The following C12orf56 variants were observed in gnomAD, a reference collection of about 807,000 sequenced individuals.
C12orf56 encodes the protein chromosome 12 open reading frame 56, also known as uncharacterized protein C12orf56.
Under a neutral mutation model 69.9 loss-of-function variants are expected in C12orf56, and 71 were observed. That is an observed-to-expected ratio of 1.02 (90% confidence interval 0.84 to 1.24). C12orf56 has a LOEUF of 1.24. Ranked by LOEUF, C12orf56 falls within the 50% of genes most tolerant of loss-of-function variation. The probability of loss-of-function intolerance (pLI) is 0.00; values close to 1 mark genes in which losing one functional copy is unlikely to be tolerated. For missense variants in C12orf56, 732 were observed against 738.5 expected (o/e 0.99, Z 0.10); for synonymous variants, 276 against 274.1 (o/e 1.01, Z -0.07).
intron 3 of C12orf56, among the ~76,000 whole-genome samples, chr12:64,323,160 G>A (rs1434775470): frequency 1.3e-5 from 2 of 152,186 alleles, no homozygotes; most frequent in Non-Finnish European, 2.9e-5. Flanking sequence ...GAGAGAAGAT[G>A]CAATTGACAC....
At chr12:64,273,967 C>T (rs937202918) in intron 11 of C12orf56, among the ~76,000 whole-genome samples, 5 of 152,158 alleles carry the variant, frequency 3.3e-5, no homozygotes, top group African/African-American at 9.7e-5. Flanking sequence ...TGTGACACGG[C>T]AGAAGCAAAT....
intron 6 of C12orf56, among the ~76,000 whole-genome samples, chr12:64,298,795 A>C (rs1013702932): frequency 2.0e-4 from 31 of 152,138 alleles, no homozygotes; most frequent in African/African-American, 7.2e-4. Context: ...CTTGTAGTAT[A>C]GTTTGAAGTC....
chr12:64,299,925 C>T (rs114513297), intron 6 of C12orf56, among the ~76,000 whole-genome samples: 148 of 152,164 alleles, frequency 9.7e-4, no homozygotes, highest in African/African-American at 3.4e-3. Flanking sequence ...ATAAAATTAA[C>T]GTTTTACTTT....
At chr12:64,304,358 A>G (rs2038484946) in intron 5 of C12orf56, among the ~76,000 whole-genome samples, 1 of 152,254 alleles carries the variant, frequency 6.6e-6, no homozygotes, top group African/African-American at 2.4e-5. Context: ...GGAATCACAT[A>G]TTTCCACCAT....
At position 64,286,027 on chromosome 12, in the gene C12orf56, G is replaced by C; in HGVS notation, c.1147C>G (p.Leu383Val). 1 of 1,609,304 alleles carries C rather than the reference G, an allele frequency of 6.2e-7. No individual in the cohort carries two copies. Among genetic ancestry groups the C allele is most frequent in the Non-Finnish European group, 8.5e-7 (1 of 1,177,048 alleles). ...SDLFYFIVNK[L>V]HEYLPESRDK... ...CTAGACTCCGGCAAGTACTCATGAA[G>C]TTTGTTTACTATGAAATAGAAAAGG... The change falls in exon 7 of 13, where the codon CTT becomes GTT. Residue 383 changes from leucine to valine, a missense_variant. Transcript: ENST00000543942.
chr12:64,351,274 A>G (rs2039218608), intron 2 of C12orf56, among the ~76,000 whole-genome samples: 3 of 152,160 alleles, frequency 2.0e-5, no homozygotes, highest in Non-Finnish European at 2.9e-5. Flanking sequence ...GGAGGACTCA[A>G]TTCCACAGTT....
chr12:64,310,846 T>C (rs189585941), intron 5 of C12orf56, among the ~76,000 whole-genome samples: 64 of 152,184 alleles, frequency 4.2e-4, no homozygotes, highest in Non-Finnish European at 5.0e-4. Flanking sequence ...TTAGGTATAT[T>C]TCCTAATGCT....
chr12:64,326,306 A>G (rs532886556), intron 3 of C12orf56, among the ~76,000 whole-genome samples: 52 of 152,220 alleles, frequency 3.4e-4, no homozygotes, highest in Non-Finnish European at 5.6e-4. Flanking sequence ...TTGTGTGTCA[A>G]TCATACCTCA....
chr12:64,321,360 G>A (rs539619047), intron 3 of C12orf56, among the ~76,000 whole-genome samples: 4 of 152,132 alleles, frequency 2.6e-5, no homozygotes, highest in Non-Finnish European at 5.9e-5. Context: ...GTTTTGTAGA[G>A]ATGGGGGTCT....
intron 4 of C12orf56, among the ~76,000 whole-genome samples, chr12:64,317,298 A>AT (rs1004779163): frequency 2.0e-5 from 3 of 152,074 alleles, no homozygotes; most frequent in African/African-American, 7.2e-5. Context: ...AATTATTATT[A>AT]TTATGTTGAA....
At chr12:64,282,767 A>AT (rs1333201027) in intron 8 of C12orf56, among the ~76,000 whole-genome samples, 1 of 140,982 alleles carries the variant, frequency 7.1e-6, no homozygotes, top group Non-Finnish European at 1.6e-5. Flanking sequence ...AACCCTATCT[A>AT]AAAAAAAAAA....
intron 1 of C12orf56, among the ~76,000 whole-genome samples, chr12:64,380,130 AAAAACAAAACAAAC>A (rs1565783129): frequency 3.0e-4 from 15 of 49,298 alleles, no homozygotes; most frequent in African/African-American, 4.7e-4. Context: ...AAAAAAAAAA[AAAAACAAAACAAAC>A]AAAAAAAAAC....
chr12:64,284,817 A>G, intron 7 of C12orf56, 64 bp from the exon 8 acceptor site: 1 of 1,291,416 alleles, frequency 7.7e-7, no homozygotes, highest in Admixed American at 2.7e-5. Flanking sequence ...AGAATTCCAC[A>G]AAAGTAGTAA....
chr12:64,345,108 G>T (rs146535235), intron 2 of C12orf56, among the ~76,000 whole-genome samples: 1 of 152,036 alleles, frequency 6.6e-6, no homozygotes, highest in African/African-American at 2.4e-5. Context: ...AAACTCATGA[G>T]GTTCTTTTTG....
At chr12:64,334,109 G>A (rs536183357) in intron 2 of C12orf56, among the ~76,000 whole-genome samples, 1 of 152,282 alleles carries the variant, frequency 6.6e-6, no homozygotes, top group Non-Finnish European at 1.5e-5. Context: ...TTGGTAGTAC[G>A]GGCCAGCTGA....
intron 5 of C12orf56, among the ~76,000 whole-genome samples, chr12:64,308,619 GAT>G (rs1424806880): frequency 6.6e-6 from 1 of 151,680 alleles, no homozygotes; most frequent in African/African-American, 2.4e-5. Context: ...AAGGCAGGCA[GAT>G]CACCTGAGGT....
chr12:64,293,122 C>T (rs1213813224), intron 6 of C12orf56, among the ~76,000 whole-genome samples: 5 of 152,124 alleles, frequency 3.3e-5, no homozygotes, highest in Admixed American at 6.5e-5. Context: ...TTTCCAGGTG[C>T]GTCCGTCACC....
intron 2 of C12orf56, among the ~76,000 whole-genome samples, chr12:64,333,297 A>T (rs778640819): frequency 6.6e-6 from 1 of 152,156 alleles, no homozygotes; most frequent in African/African-American, 2.4e-5. Context: ...ACCGAGGCTT[A>T]TTTGTTAGGA....
intron 8 of C12orf56, among the ~76,000 whole-genome samples, chr12:64,278,277 G>A (rs1031169142): frequency 1.2e-4 from 18 of 152,068 alleles, no homozygotes; most frequent in Non-Finnish European, 2.1e-4. Context: ...GTATCTCTGG[G>A]ACAAAGCAAC....
Sources: allele counts gnomAD v4.1 joint callset (sites outside exome capture counted in the v4.1 genomes callset), GRCh38; gene constraint gnomAD v4.1.1; transcripts MANE v1.5; gene names NCBI Gene and HGNC (gene_info 2026-07-23, HGNC 2026-07-21).